UPRT: variants seen among roughly 807,000 people sequenced by gnomAD.
UPRT encodes the protein uracil phosphoribosyltransferase homolog.
A neutral mutation model predicts 22.6 loss-of-function variants in UPRT; 5 were observed. The ratio of observed to expected loss-of-function variants is 0.22; its 90% CI spans 0.12 to 0.47. UPRT has a LOEUF of 0.47. UPRT is among the 20% of genes least tolerant of loss of function. UPRT has a pLI of 0.99. For missense variants in UPRT, 181 were observed against 239.9 expected (o/e 0.75, Z 1.62); for synonymous variants, 77 against 87.7 (o/e 0.88, Z 0.68).
intron 4 of UPRT, among the ~76,000 whole-genome samples, chrX:75,232,389 G>C (rs2082441671): frequency 8.9e-6 from 1 of 112,604 alleles, no homozygotes; most frequent in Non-Finnish European, 1.9e-5. Flanking sequence ...GCCCAGGCTT[G>C]CTTAGGTAAA....
intron 4 of UPRT, among the ~76,000 whole-genome samples, chrX:75,248,060 C>T (rs768577330): frequency 8.9e-6 from 1 of 111,875 alleles, no homozygotes; most frequent in Admixed American, 9.5e-5. Flanking sequence ...AAAAACCCAA[C>T]TGTATGTCAC....
Position 75,265,642 on chromosome X carries a change from G to A in UPRT, c.-446-25382G>A, listed in dbSNP as rs144630192. 8.6e-3 allele frequency among the ~76,000 whole-genome samples: 958 copies of A among 111,630 alleles called. 14 individuals are homozygous for A. The highest frequency in any genetic ancestry group is 0.03 in the African/African-American group (909 of 30,781). On this transcript the variant is annotated intron_variant, in intron 4 of 13. Coordinates refer to the UPRT transcript ENST00000652605. ...GGGTTCAAACTTCCTCCTTTAGCCC[G>A]GAGTAGTTTGATCATCTGAAGCCTT...
At chrX:75,265,140 A>G (rs1300946662) in intron 4 of UPRT, among the ~76,000 whole-genome samples, 1 of 111,131 alleles carries the variant, frequency 9.0e-6, no homozygotes, top group Admixed American at 9.6e-5. Flanking sequence ...ACTTTGGTGA[A>G]TCTGACAATT....
intron 4 of UPRT, among the ~76,000 whole-genome samples, chrX:75,246,952 G>T (rs184417782): frequency 8.9e-6 from 1 of 111,802 alleles, no homozygotes; most frequent in Non-Finnish European, 1.9e-5. Context: ...TCACTTTATA[G>T]ACAGGGAAAG....
At chrX:75,204,282 G>C (rs1032029937) in intron 4 of UPRT, among the ~76,000 whole-genome samples, 2 of 111,461 alleles carry the variant, frequency 1.8e-5, no homozygotes, top group Non-Finnish European at 3.8e-5. Flanking sequence ...CAGGCTGTTG[G>C]GTATATGTGG....
rs1424233899 is a variant in UPRT at position 75,168,001 on chromosome X, C to T, written c.-447+122C>T. Among the ~76,000 whole-genome samples, 3 of 111,965 alleles carry T rather than the reference C, an allele frequency of 2.7e-5. No individual in the cohort carries two copies. In the East Asian group the frequency reaches 8.4e-4, roughly 31 times the overall value. ...GCAGGCATTGCTGCCTGTTTTTTAG[C>T]TTGTCCCTGAAATAAATGAAATAAT... is the stretch of plus-strand genomic sequence containing the variant. On this transcript the variant is annotated intron_variant, in intron 4 of 13. Coordinates refer to the UPRT transcript ENST00000652605.
At chrX:75,213,746 C>T (rs1239109872) in intron 4 of UPRT, among the ~76,000 whole-genome samples, 1 of 111,725 alleles carries the variant, frequency 9.0e-6, no homozygotes, top group African/African-American at 3.3e-5. Context: ...AGGTTTACTA[C>T]ATAATGATGA....
chrX:75,218,149 A>G (rs1350620731), intron 4 of UPRT, among the ~76,000 whole-genome samples: 44 of 112,083 alleles, frequency 3.9e-4, no homozygotes, highest in East Asian at 8.4e-4. Flanking sequence ...CTGACAAAGG[A>G]CTAATATCCA....
chrX:75,246,382 G>T (rs1177342929), intron 4 of UPRT, among the ~76,000 whole-genome samples: 2 of 107,804 alleles, frequency 1.9e-5, no homozygotes, highest in African/African-American at 6.8e-5. Context: ...GTGATAGTTT[G>T]CTGAGAATGA....
intron 4 of UPRT, among the ~76,000 whole-genome samples, chrX:75,200,045 T>G (rs939672933): frequency 8.9e-6 from 1 of 112,273 alleles, no homozygotes; most frequent in South Asian, 3.7e-4. Context: ...TATTCCCTAC[T>G]TTTACTAATG....
At chrX:75,187,727 T>C (rs1020600795) in intron 4 of UPRT, among the ~76,000 whole-genome samples, 7 of 111,903 alleles carry the variant, frequency 6.3e-5, no homozygotes, top group African/African-American at 2.3e-4. Context: ...CATTTCTTTT[T>C]ATTCTTTTTT....
chrX:75,250,291 C>G (rs1391231631), intron 4 of UPRT, among the ~76,000 whole-genome samples: 2 of 108,990 alleles, frequency 1.8e-5, no homozygotes, highest in Non-Finnish European at 3.8e-5. Flanking sequence ...TTGAAAAGAT[C>G]AACAAAATTG....
chrX:75,225,730 T>C (rs947772848), intron 4 of UPRT, among the ~76,000 whole-genome samples: 2 of 112,091 alleles, frequency 1.8e-5, no homozygotes, highest in African/African-American at 6.5e-5. Flanking sequence ...GCAGAGCTAC[T>C]CATGGTATCA....
intron 1 of UPRT, among the ~76,000 whole-genome samples, chrX:75,159,252 G>A (rs2082191892): frequency 1.8e-5 from 2 of 112,026 alleles, no homozygotes; most frequent in African/African-American, 6.5e-5. Flanking sequence ...CACTTAGCAT[G>A]ATGACCTTCA....
At chrX:75,205,302 G>A (rs1309257069) in intron 4 of UPRT, among the ~76,000 whole-genome samples, 10 of 106,378 alleles carry the variant, frequency 9.4e-5, no homozygotes, top group Admixed American at 7.1e-4. Flanking sequence ...CCCGGGAAGC[G>A]GAACTTGCAG....
intron 4 of UPRT, among the ~76,000 whole-genome samples, chrX:75,226,028 CT>C (rs2082423051): frequency 9.0e-6 from 1 of 111,537 alleles, no homozygotes; most frequent in African/African-American, 3.3e-5. Flanking sequence ...ATAGTGTTCT[CT>C]ATCTCAGTAA....
At chrX:75,159,604 G>A (rs997618566) in intron 1 of UPRT, among the ~76,000 whole-genome samples, 1 of 111,044 alleles carries the variant, frequency 9.0e-6, no homozygotes, top group African/African-American at 3.3e-5. Flanking sequence ...AAGTCTGAGA[G>A]GCACTTTTAG....
At chrX:75,236,765 G>T (rs943290873) in intron 4 of UPRT, among the ~76,000 whole-genome samples, 2 of 112,235 alleles carry the variant, frequency 1.8e-5, no homozygotes, top group African/African-American at 6.5e-5. Context: ...GCTGAAACTG[G>T]ATCCCTTCCT....
At chrX:75,248,409 A>C (rs2082514979) in intron 4 of UPRT, among the ~76,000 whole-genome samples, 1 of 112,330 alleles carries the variant, frequency 8.9e-6, no homozygotes, top group Admixed American at 9.5e-5. Flanking sequence ...ATACGTGACA[A>C]ATGCACAACT....
Sources: gnomAD v4.1 joint callset for allele counts (sites outside exome capture counted in the v4.1 genomes callset) on GRCh38, gnomAD v4.1.1 for gene constraint, MANE v1.5 for transcripts, NCBI Gene and HGNC (gene_info 2026-07-23, HGNC 2026-07-21) for gene names.